The following MAOB variants were observed in gnomAD, a reference collection of about 807,000 sequenced individuals.
The protein encoded by MAOB is amine oxidase [flavin-containing] B.
Under a neutral mutation model 41.9 loss-of-function variants are expected in MAOB, and 15 were observed. The observed-to-expected ratio is 0.36, with a 90% CI of 0.24 to 0.55. The LOEUF (loss-of-function observed/expected upper bound fraction) is 0.55. MAOB is among the 20% of genes least tolerant of loss of function. The pLI is 0.86. For synonymous variants in MAOB, 167 were observed against 144.2 expected, an observed-to-expected ratio of 1.16 and a Z score of -1.13; for missense variants, 345 against 398.7, an observed-to-expected ratio of 0.87 and a Z score of 1.15.
rs762860539 is a variant in MAOB, at chrX:43,877,748, G to A, written c.46+4506C>T. Among the ~76,000 whole-genome samples, 6 of 112,013 alleles carry A rather than the reference G, an allele frequency of 5.4e-5. No individual in the cohort carries two copies. In the South Asian group the frequency reaches 1.5e-3, roughly 28 times the overall value. ...AGAATTTCTCCTGAAGCGGAACCCAGTGGGTCTCAGAGCCCAAAGTGAGCC... is the reference window on the plus strand; with the variant it reads ...AGAATTTCTCCTGAAGCGGAACCCAATGGGTCTCAGAGCCCAAAGTGAGCC... On this transcript the variant is annotated intron_variant, in intron 1 of 14. Transcript: ENST00000378069.
At chrX:43,811,616 G>A (rs1451389211) in intron 3 of MAOB, among the ~76,000 whole-genome samples, 1 of 112,125 alleles carries the variant, frequency 8.9e-6, no homozygotes, top group African/African-American at 3.2e-5. Flanking sequence ...GCAAATTGTA[G>A]TTGGGCAAAT....
At chrX:43,794,996 C>G (rs755223120) in intron 7 of MAOB, among the ~76,000 whole-genome samples, 13 of 110,195 alleles carry the variant, frequency 1.2e-4, no homozygotes, top group Middle Eastern at 4.7e-3. Context: ...GTGGTTTTTC[C>G]CCACATATTA....
At chrX:43,787,772 T>C (rs1437436271) in intron 8 of MAOB, among the ~76,000 whole-genome samples, 1 of 111,788 alleles carries the variant, frequency 8.9e-6, no homozygotes, top group Non-Finnish European at 1.9e-5. Flanking sequence ...GGGGAAACCA[T>C]CATACAACAA....
rs186265610 is a variant in MAOB, at chrX:43,778,412, T to C, written c.1137+270A>G. ...CTGGAAGCAGAGTGACCCAATGCCCTCTCCCAGGAAGAAACTCTGAATTCA... is the reference window on the plus strand; with the variant it reads ...CTGGAAGCAGAGTGACCCAATGCCCCCTCCCAGGAAGAAACTCTGAATTCA... On this transcript the variant is annotated intron_variant, in intron 11 of 14. Transcript: ENST00000378069. Among the ~76,000 whole-genome samples, 1,830 of 110,666 alleles carry C rather than the reference T, an allele frequency of 0.017. 56 individuals are homozygous for C. In the South Asian group the frequency reaches 0.18, roughly 11 times the overall value.
chrX:43,807,238 G>A (rs2034676364), intron 3 of MAOB, among the ~76,000 whole-genome samples: 1 of 112,215 alleles, frequency 8.9e-6, no homozygotes, highest in Non-Finnish European at 1.9e-5. Context: ...CATTCTCCAC[G>A]AAGAAGAAGT....
chrX:43,772,687 C>T (rs1036207557), intron 12 of MAOB, among the ~76,000 whole-genome samples: 5 of 111,726 alleles, frequency 4.5e-5, no homozygotes, highest in African/African-American at 1.3e-4. Context: ...TTGTCCCTGC[C>T]CAAATCTCAT....
At chrX:43,817,127 T>A (rs929486121) in intron 3 of MAOB, among the ~76,000 whole-genome samples, 5 of 107,871 alleles carry the variant, frequency 4.6e-5, no homozygotes, top group African/African-American at 1.4e-4. Flanking sequence ...CATCTTCTTC[T>A]TCTTCTTCTT....
At chrX:43,788,702 G>A (rs1041307632) in intron 8 of MAOB, among the ~76,000 whole-genome samples, 2 of 111,369 alleles carry the variant, frequency 1.8e-5, no homozygotes, top group Non-Finnish European at 3.8e-5. Context: ...GATGTCCATG[G>A]CATATTGTTA....
intron 3 of MAOB, among the ~76,000 whole-genome samples, chrX:43,817,646 G>A (rs1364835102): frequency 9.0e-6 from 1 of 111,261 alleles, no homozygotes; most frequent in Non-Finnish European, 1.9e-5. Flanking sequence ...TGGGCAACAC[G>A]GCTTTTGTAC....
chrX:43,799,806 G>T (rs2034570543), intron 5 of MAOB, among the ~76,000 whole-genome samples: 1 of 111,446 alleles, frequency 9.0e-6, no homozygotes, highest in Non-Finnish European at 1.9e-5. Context: ...GAGAGAACGA[G>T]TGTCTTCCAT....
In MAOB at chrX:43,817,245, C is replaced by T. The variant is rs1015627181; in HGVS notation, c.280-13841G>A. ...GACTCATTCTATTGTTTTCTGTATG[C>T]CTCATCCCCCATTACTTTTACTGCT... On this transcript the variant is annotated intron_variant, in intron 3 of 14. Transcript: ENST00000378069. Among the ~76,000 whole-genome samples the T allele has an allele frequency of 6.4e-5, 7 of 109,531 alleles. No individual in the cohort carries two copies. The Admixed American group carries it at 6.9e-4, about 11-fold the overall frequency.
intron 1 of MAOB, among the ~76,000 whole-genome samples, chrX:43,850,130 C>G (rs1019975223): frequency 5.4e-5 from 6 of 111,847 alleles, no homozygotes; most frequent in Non-Finnish European, 7.5e-5. Flanking sequence ...GGTTTGCTCA[C>G]AGTTATACAC....
chrX:43,812,281 T>C (rs1410337638), intron 3 of MAOB, among the ~76,000 whole-genome samples: 1 of 112,602 alleles, frequency 8.9e-6, no homozygotes, highest in Non-Finnish European at 1.9e-5. Flanking sequence ...ATGTTGGCTA[T>C]TGTGAACAGA....
chrX:43,793,055 T>A (rs1351818825), intron 8 of MAOB, among the ~76,000 whole-genome samples: 2 of 112,322 alleles, frequency 1.8e-5, no homozygotes, highest in African/African-American at 6.5e-5. Flanking sequence ...TGGAGACTAT[T>A]ATCCTAAGTG....
chrX:43,847,593 C>A (rs1291885223), intron 1 of MAOB, among the ~76,000 whole-genome samples: 2 of 111,507 alleles, frequency 1.8e-5, no homozygotes, highest in Admixed American at 1.9e-4. Context: ...GAACTCTTAG[C>A]CACTACCCTT....
chrX:43,787,929 T>C (rs2034420241), intron 8 of MAOB, among the ~76,000 whole-genome samples: 2 of 112,231 alleles, frequency 1.8e-5, no homozygotes, highest in Admixed American at 9.5e-5. Context: ...TCCTACCTGA[T>C]TGACAAAAAA....
Position 43,785,393 on chromosome X carries a change from AG to A in MAOB, c.929-3850del, listed in dbSNP as rs200884736. ...GAGTTGGGGGCCTTGCTCTGGATCTAGGCTTTGGCTTAAAGGAATATTGTGG... is the reference window on the plus strand; with the variant it reads ...GAGTTGGGGGCCTTGCTCTGGATCTAGCTTTGGCTTAAAGGAATATTGTGG... On this transcript the variant is annotated intron_variant, in intron 8 of 14. Transcript: ENST00000378069. 5.3e-3 allele frequency among the ~76,000 whole-genome samples: 592 copies of A among 112,569 alleles called. 3 individuals carry two copies. The highest frequency in any genetic ancestry group is 7.1e-3 in the Non-Finnish European group (380 of 53,324).
chrX:43,856,050 C>T (rs556224948), intron 1 of MAOB, among the ~76,000 whole-genome samples: 1 of 111,659 alleles, frequency 9.0e-6, no homozygotes, highest in Admixed American at 9.5e-5. Flanking sequence ...ACAAAAAAAA[C>T]CCCAAAACTC....
chrX:43,774,265 T>C (rs1219274928), intron 12 of MAOB, among the ~76,000 whole-genome samples: 3 of 111,765 alleles, frequency 2.7e-5, no homozygotes, highest in African/African-American at 9.8e-5. Flanking sequence ...TAAAAATCAC[T>C]GCTATATTAT....
Sources: gnomAD v4.1 joint callset for allele counts (sites outside exome capture counted in the v4.1 genomes callset) on GRCh38, gnomAD v4.1.1 for gene constraint, MANE v1.5 for transcripts, NCBI Gene and HGNC (gene_info 2026-07-23, HGNC 2026-07-21) for gene names.